Variants in STRN3 observed in about 807,000 individuals in gnomAD.
STRN3 encodes the protein striatin 3, also known as striatin-3.
In STRN3, 29 loss-of-function variants were observed where a neutral mutation model predicts 95.6. The ratio of observed to expected loss-of-function variants is 0.30; its 90% CI spans 0.23 to 0.41. STRN3 has a LOEUF of 0.41. Ranked by LOEUF, STRN3 falls within the 10% of genes least tolerant of loss-of-function variation. STRN3 has a pLI of 1.00. For missense variants in STRN3, 890 were observed against 972.1 expected, an observed-to-expected ratio of 0.92 and a Z score of 1.12; for synonymous variants, 331 against 357.6, an observed-to-expected ratio of 0.93 and a Z score of 0.84.
intron 1 of STRN3, among the ~76,000 whole-genome samples, chr14:30,982,554 C>T (rs913158133): frequency 1.3e-5 from 2 of 152,182 alleles, no homozygotes; most frequent in Admixed American, 1.3e-4. Context: ...AAGTGATCTG[C>T]CCGTCTCGGC....
At chr14:30,964,912 C>A (rs1880403071) in intron 1 of STRN3, among the ~76,000 whole-genome samples, 2 of 142,780 alleles carry the variant, frequency 1.4e-5, no homozygotes, top group South Asian at 4.4e-4. Context: ...CAGGGCAAGG[C>A]CCCTTCTCAA....
At chr14:30,900,359 C>CA (rs559429217) in intron 16 of STRN3, among the ~76,000 whole-genome samples, 2,437 of 53,818 alleles carry the variant, frequency 0.045, 36 homozygotes, top group East Asian at 0.097. Flanking sequence ...AACTCCATCT[C>CA]AAAAAAAAAA....
intron 16 of STRN3, among the ~76,000 whole-genome samples, chr14:30,896,353 A>T (rs1896149158): frequency 6.6e-6 from 1 of 152,134 alleles, no homozygotes; most frequent in Non-Finnish European, 1.5e-5. Flanking sequence ...TAAATAAGCC[A>T]AGTGTGGTGA....
At chr14:30,969,988 G>A (rs12590617) in intron 1 of STRN3, among the ~76,000 whole-genome samples, 61,586 of 151,820 alleles carry the variant, frequency 0.41, 13,046 homozygotes, top group Non-Finnish European at 0.47. Flanking sequence ...AAGTCAAAGC[G>A]CCACCCCCTC....
At chr14:30,989,807 CAACCCTAACACATACTAACTCATGT>C (rs1429981883) in intron 1 of STRN3, among the ~76,000 whole-genome samples, 2 of 152,040 alleles carry the variant, frequency 1.3e-5, no homozygotes, top group Non-Finnish European at 2.9e-5. Context: ...TGCATAATTC[CAACCCTAACACATACTAACTCATGT>C]GACCCTGGGC....
At chr14:30,950,746 A>G (rs1879597349) in intron 4 of STRN3, 117 bp downstream of exon 4, 1 of 919,072 alleles carries the variant, frequency 1.1e-6, no homozygotes, top group Admixed American at 2.5e-5. Context: ...CAAAAAAAGC[A>G]GCAATACAAA....
intron 1 of STRN3, among the ~76,000 whole-genome samples, chr14:30,956,690 T>C (rs1262471784): frequency 6.6e-6 from 1 of 152,212 alleles, no homozygotes; most frequent in East Asian, 1.9e-4. Flanking sequence ...CTAATATTAA[T>C]ATTTCACCTT....
chr14:30,992,733 G>A (rs1882022220), intron 1 of STRN3, among the ~76,000 whole-genome samples: 2 of 152,052 alleles, frequency 1.3e-5, no homozygotes, highest in Admixed American at 1.3e-4. Flanking sequence ...GAGTAAACTG[G>A]CCAGGTACAG....
chr14:31,014,077 A>T (rs1030525686), intron 1 of STRN3, among the ~76,000 whole-genome samples: 18 of 151,470 alleles, frequency 1.2e-4, no homozygotes, highest in Non-Finnish European at 1.9e-4. Flanking sequence ...CTAATTTTTT[A>T]AATTTCTTGT....
intron 2 of STRN3, 46 bp downstream of exon 2, chr14:30,956,093 T>C: frequency 2.0e-6 from 3 of 1,521,456 alleles, no homozygotes; most frequent in Non-Finnish European, 1.8e-6. Flanking sequence ...TACATGAGTA[T>C]ACTATTGTTC....
chr14:30,988,682 A>G (rs1231795469), intron 1 of STRN3, among the ~76,000 whole-genome samples: 2 of 152,232 alleles, frequency 1.3e-5, no homozygotes, highest in East Asian at 1.9e-4. Context: ...TGAATGACTC[A>G]TCTACTGTCC....
chr14:31,000,866 A>C (rs909079463), intron 1 of STRN3, among the ~76,000 whole-genome samples: 1 of 152,026 alleles, frequency 6.6e-6, no homozygotes, highest in Non-Finnish European at 1.5e-5. Context: ...ATAGGTAGAG[A>C]TAAGCCTTAC....
At chr14:30,983,655 A>T (rs1385306377) in intron 1 of STRN3, among the ~76,000 whole-genome samples, 1 of 152,240 alleles carries the variant, frequency 6.6e-6, no homozygotes, top group African/African-American at 2.4e-5. Context: ...CTCTACACTA[A>T]TTCAGTATAT....
At chr14:30,986,529 GCTA>G (rs1881702246) in intron 1 of STRN3, among the ~76,000 whole-genome samples, 1 of 152,128 alleles carries the variant, frequency 6.6e-6, no homozygotes, top group African/African-American at 2.4e-5. Flanking sequence ...AAACCTTTTA[GCTA>G]CTAACACTAT....
At chr14:30,971,849 G>C (rs137959443) in intron 1 of STRN3, among the ~76,000 whole-genome samples, 19 of 152,096 alleles carry the variant, frequency 1.2e-4, no homozygotes, top group Non-Finnish European at 2.5e-4. Flanking sequence ...ACTTATTCTT[G>C]TCGGGTGCTG....
intron 1 of STRN3, among the ~76,000 whole-genome samples, chr14:30,960,868 C>CAAAAAAAAAAAAAAAAAAAAAAA (rs56227331): frequency 2.1e-5 from 1 of 47,616 alleles, no homozygotes; most frequent in Admixed American, 2.5e-4. Flanking sequence ...GACTCCATCT[C>CAAAAAAAAAAAAAAAAAAAAAAA]AAAAAAAAAA....
chr14:30,953,740 C>T lies in STRN3; in HGVS notation c.460+1880G>A, dbSNP rs118125301. On this transcript the variant is annotated intron_variant, in intron 3 of 17. Coordinates refer to ENST00000357479, the MANE Select transcript of STRN3 (RefSeq NM_001083893.2). ...GACCTCCCGGGCTCACGCAATCCTC[C>T]TACTTCAGCCCCCTAAATAGCTGGG... Among the ~76,000 whole-genome samples the T allele has an allele frequency of 2.0e-5, 3 of 152,266 alleles. No individual in the cohort carries two copies. In the East Asian group the frequency reaches 5.8e-4, roughly 29 times the overall value.
Position 30,916,656 on chromosome 14 carries a change from C to T in STRN3, c.1240+2310G>A, listed in dbSNP as rs142560407. Among the ~76,000 whole-genome samples the T allele has an allele frequency of 1.1e-3, 171 of 152,110 alleles. 1 individual carries two copies. In the East Asian group the frequency reaches 0.016, roughly 14 times the overall value. ...TGTTGCCCAGGCTGGTCTTGAATTC[C>T]TGGGCTCAAGTGATCCTCCTGCCTT... On this transcript the variant is annotated intron_variant, in intron 9 of 17. Transcript: ENST00000357479.
At chr14:30,978,396 A>G (rs1881220349) in intron 1 of STRN3, among the ~76,000 whole-genome samples, 1 of 152,246 alleles carries the variant, frequency 6.6e-6, no homozygotes, top group Non-Finnish European at 1.5e-5. Context: ...ATAGATACAG[A>G]AAAGAACAAA....
Sources: gnomAD v4.1 joint callset for allele counts (sites outside exome capture counted in the v4.1 genomes callset) on GRCh38, gnomAD v4.1.1 for gene constraint, MANE v1.5 for transcripts, NCBI Gene and HGNC (gene_info 2026-07-23, HGNC 2026-07-21) for gene names.